Variants in FAT4 observed in about 807,000 individuals in gnomAD.
FAT4 encodes protocadherin Fat 4.
A neutral mutation model predicts 303.9 loss-of-function variants in FAT4; 84 were observed. The observed-to-expected ratio is 0.28, with a 90% CI of 0.23 to 0.33. FAT4 has a LOEUF of 0.33. Among genes scored for constraint, FAT4 ranks in the 10% least tolerant of loss-of-function variants. The probability of loss-of-function intolerance (pLI) is 1.00; values close to 1 mark genes in which losing one functional copy is unlikely to be tolerated. For missense variants in FAT4, 6,005 were observed against 6,146.8 expected (o/e 0.98, Z 0.77); for synonymous variants, 2,307 against 2,298.8 (o/e 1.00, Z -0.10).
At position 125,491,832 on chromosome 4, in the gene FAT4, G is replaced by T. The variant is rs1048751265; in HGVS notation, c.*64G>T. The stretch of plus-strand genomic sequence containing the variant: ...ATAATACTCAAACCATTGTAAAGTT[G>T]CTGACTAGGTTGGGTCACATTTGAA... On this transcript the variant is annotated 3_prime_UTR_variant, in exon 18 of 18. Transcript: ENST00000394329. 9 of 1,473,450 alleles carry T rather than the reference G, an allele frequency of 6.1e-6. No homozygotes were observed. The South Asian group carries it at 1.3e-4, about 21-fold the overall frequency. 91.3% of individuals were successfully genotyped at this position (1,473,450 alleles called of 1,614,324 possible). A position where few individuals can be genotyped will look rare whatever the true frequency, so the allele number is the denominator to read the frequency against.
chr4:125,401,124 T>C (rs1234548849), intron 3 of FAT4, among the ~76,000 whole-genome samples: 1 of 152,046 alleles, frequency 6.6e-6, no homozygotes, highest in East Asian at 1.9e-4. Context: ...AAGAAAAAGC[T>C]CACAAAGTTG....
intron 2 of FAT4, among the ~76,000 whole-genome samples, chr4:125,323,669 A>G (rs1006431985): frequency 2.6e-5 from 4 of 152,138 alleles, no homozygotes; most frequent in Admixed American, 1.3e-4. Context: ...AGAATTTCAT[A>G]TTATTATTGG....
chr4:125,405,274 G>A (rs1378034655), intron 3 of FAT4, among the ~76,000 whole-genome samples: 2 of 152,142 alleles, frequency 1.3e-5, no homozygotes, highest in East Asian at 3.9e-4. Context: ...GGATCATACG[G>A]TGATTCTATT....
rs139395908 is a variant in FAT4 at position 125,318,827 on chromosome 4, G to A, written c.2416G>A (p.Val806Met). 3.5e-5 allele frequency: 56 copies of A among 1,614,150 alleles called. No homozygotes were observed. The highest frequency in any genetic ancestry group is 1.3e-4 in the East Asian group (6 of 44,876). ...VAYSFVVFENVALGYHVGSVS... is the reference protein window; with the variant it reads ...VAYSFVVFENMALGYHVGSVS... The stretch of plus-strand genomic sequence containing the variant: ...CTACAGCTTTGTGGTTTTTGAGAAC[G>A]TGGCGCTGGGATATCATGTGGGTAG... Residue 806 changes from valine to methionine, a missense_variant, in exon 2 of 18, where the codon GTG becomes ATG. By Grantham distance (21) the Val-to-Met change is conservative. Transcript: ENST00000394329.
At chr4:125,396,979 G>C (rs914031402) in intron 2 of FAT4, among the ~76,000 whole-genome samples, 19 of 148,768 alleles carry the variant, frequency 1.3e-4, no homozygotes, top group African/African-American at 4.4e-4. Context: ...ATATGTATGT[G>C]TGTGTGTATT....
At chr4:125,338,955 A>G (rs1731672424) in intron 2 of FAT4, among the ~76,000 whole-genome samples, 1 of 152,068 alleles carries the variant, frequency 6.6e-6, no homozygotes, top group Admixed American at 6.6e-5. Flanking sequence ...GGGATACTCT[A>G]GTGTACCTTG....
At chr4:125,364,387 G>A (rs1038851486) in intron 2 of FAT4, among the ~76,000 whole-genome samples, 3 of 151,968 alleles carry the variant, frequency 2.0e-5, no homozygotes, top group African/African-American at 7.3e-5. Context: ...TTAGCCCCCC[G>A]TGAATTTCAA....
rs549267213 is a variant in FAT4 at position 125,423,166 on chromosome 4, A to T, written c.7018+6544A>T. ...AACCCATTTTCTGGGGAGAAATTCA[A>T]GCCCACTGCAGAAATTTGCATGAGT... On this transcript the variant is annotated intron_variant, in intron 7 of 17. Coordinates refer to ENST00000394329, the MANE Select transcript of FAT4 (RefSeq NM_001291303.3). 9.2e-5 allele frequency among the ~76,000 whole-genome samples: 14 copies of T among 152,340 alleles called. No individual in the cohort carries two copies. In the East Asian group the frequency reaches 2.7e-3, roughly 29 times the overall value.
In FAT4 at chr4:125,415,524, A is replaced by C; in HGVS notation, c.6561A>C (p.Gly2187=). 2 of 1,614,118 alleles carry C rather than the reference A, an allele frequency of 1.2e-6. No homozygotes were observed. Among genetic ancestry groups the C allele is most frequent in the Non-Finnish European group, 1.7e-6 (2 of 1,179,984 alleles). The stretch of plus-strand genomic sequence containing the variant: ...CAGATGGAGATGAAGGCACAAATGG[A>C]CAGGTTCGCTATGGCATTGTTAATG... ...FAADGDEGTN[G]QVRYGIVNGN... is the part of the protein sequence containing the mutation. Residue 2187 remains glycine (G), a synonymous_variant, in exon 6 of 18, where the codon GGA becomes GGC. Coordinates refer to ENST00000394329, the MANE Select transcript of FAT4 (RefSeq NM_001291303.3).
intron 3 of FAT4, 64 bp downstream of exon 3, chr4:125,398,979 G>A: frequency 6.5e-7 from 1 of 1,529,594 alleles, no homozygotes; most frequent in Non-Finnish European, 9.0e-7. Flanking sequence ...AAATTTCTAG[G>A]ATATGTTGAC....
chr4:125,350,901 A>G (rs1161912993), intron 2 of FAT4, among the ~76,000 whole-genome samples: 2 of 151,668 alleles, frequency 1.3e-5, no homozygotes, highest in East Asian at 1.9e-4. Flanking sequence ...CCTGACCCTT[A>G]AGACAGGGAG....
chr4:125,351,278 AC>A, intron 2 of FAT4, among the ~76,000 whole-genome samples: 1 of 151,930 alleles, frequency 6.6e-6, no homozygotes, highest in East Asian at 1.9e-4. Context: ...AAACAATAGA[AC>A]AATTACTGAT....
intron 2 of FAT4, among the ~76,000 whole-genome samples, chr4:125,337,996 T>A (rs978962168): frequency 6.6e-6 from 1 of 152,280 alleles, no homozygotes; most frequent in South Asian, 2.1e-4. Flanking sequence ...AAAATAAGTA[T>A]CCATTCACTT....
Position 125,490,820 on chromosome 4 carries a change from C to T in FAT4, c.14004C>T (p.Pro4668=), listed in dbSNP as rs769270880. ...PLGFARQSPM[P]LGASSLTYQP... is the part of the protein sequence containing the mutation. ...GCTTTGCAAGGCAATCCCCCATGCC[C>T]TTAGGAGCAAGCAGTTTGACTTACC... Residue 4668 remains proline (P), a synonymous_variant, in exon 18 of 18, where the codon CCC becomes CCT. Coordinates refer to ENST00000394329, the MANE Select transcript of FAT4 (RefSeq NM_001291303.3). 35 of 1,614,004 alleles carry T rather than the reference C, an allele frequency of 2.2e-5. No homozygotes were observed. The highest frequency in any genetic ancestry group is 3.3e-5 in the Admixed American group (2 of 59,998).
At chr4:125,345,254 A>G (rs1365349088) in intron 2 of FAT4, among the ~76,000 whole-genome samples, 2 of 152,126 alleles carry the variant, frequency 1.3e-5, no homozygotes, top group African/African-American at 2.4e-5. Flanking sequence ...GTAATTTTTC[A>G]TATGGGAATA....
At chr4:125,424,555 T>G (rs1725023087) in intron 7 of FAT4, among the ~76,000 whole-genome samples, 1 of 152,130 alleles carries the variant, frequency 6.6e-6, no homozygotes. Context: ...ATTAACACAG[T>G]CAGTGAGACT....
At chr4:125,331,579 G>T (rs1395426259) in intron 2 of FAT4, among the ~76,000 whole-genome samples, 3 of 152,138 alleles carry the variant, frequency 2.0e-5, no homozygotes, top group Admixed American at 2.0e-4. Flanking sequence ...TGGTAAAGTA[G>T]AACATTTTAG....
At chr4:125,324,201 G>A (rs1731063157) in intron 2 of FAT4, among the ~76,000 whole-genome samples, 1 of 152,078 alleles carries the variant, frequency 6.6e-6, no homozygotes, top group Admixed American at 6.6e-5. Flanking sequence ...GATTATGTTA[G>A]AATAGGCCAT....
At chr4:125,385,767 CA>C (rs1391057351) in intron 2 of FAT4, among the ~76,000 whole-genome samples, 1 of 152,032 alleles carries the variant, frequency 6.6e-6, no homozygotes, top group African/African-American at 2.4e-5. Context: ...TCTGATTTTG[CA>C]CATTATTTTC....
Sources: gnomAD v4.1 joint callset for allele counts (sites outside exome capture counted in the v4.1 genomes callset) on GRCh38, gnomAD v4.1.1 for gene constraint, MANE v1.5 for transcripts, NCBI Gene and HGNC (gene_info 2026-07-23, HGNC 2026-07-21) for gene names.